IQCM: variants seen among roughly 807,000 people sequenced by gnomAD.
The protein encoded by IQCM is IQ domain-containing protein M.
Under a neutral mutation model 57.6 loss-of-function variants are expected in IQCM, and 45 were observed. That is an observed-to-expected ratio of 0.78 (90% confidence interval 0.62 to 1.00). IQCM has a LOEUF of 1.00. Among genes scored for constraint, IQCM ranks in the 50% least tolerant of loss-of-function variants. The pLI is 0.00. For synonymous variants in IQCM, 148 were observed against 158.9 expected (o/e 0.93, Z 0.51); for missense variants, 468 against 511.6 (o/e 0.91, Z 0.82).
chr4:149,625,976 A>C (rs1345496137), intron 7 of IQCM, among the ~76,000 whole-genome samples: 1 of 152,070 alleles, frequency 6.6e-6, no homozygotes, highest in Non-Finnish European at 1.5e-5. Context: ...TTTTCATACT[A>C]TGTTCTGTTT....
At chr4:149,518,512 T>G (rs1490190234) in intron 12 of IQCM, among the ~76,000 whole-genome samples, 3 of 152,210 alleles carry the variant, frequency 2.0e-5, no homozygotes, top group Non-Finnish European at 4.4e-5. Flanking sequence ...ACATCCTTTT[T>G]TTTCCAAATA....
intron 9 of IQCM, among the ~76,000 whole-genome samples, chr4:149,568,118 T>G (rs532739651): frequency 3.3e-5 from 5 of 152,248 alleles, no homozygotes; most frequent in Admixed American, 2.0e-4. Context: ...GACCCAGAGA[T>G]TCTCCATCCT....
intron 12 of IQCM, among the ~76,000 whole-genome samples, chr4:149,500,087 T>A (rs996956911): frequency 6.6e-6 from 1 of 152,216 alleles, no homozygotes; most frequent in African/African-American, 2.4e-5. Context: ...TAAATAAGCT[T>A]CTAATTTGTC....
In IQCM at chr4:149,433,505, C is replaced by T; in HGVS notation, c.1281G>A (p.Met427Ile). The T allele has an allele frequency of 8.3e-7, 1 of 1,203,842 alleles. No homozygotes were observed. Among genetic ancestry groups the T allele is most frequent in the Non-Finnish European group, 1.0e-6 (1 of 962,610 alleles). 74.6% of individuals were successfully genotyped at this position (1,203,842 alleles called of 1,614,324 possible). The change falls in exon 13 of 14, where the codon ATG (methionine) becomes ATA (isoleucine). Residue 427 changes from methionine to isoleucine, a missense_variant. Met to Ile is a conservative substitution (Grantham distance 10, BLOSUM62 1). Coordinates refer to ENST00000636793, the MANE Select transcript of IQCM (RefSeq NM_001363507.2). The part of the protein sequence containing the change: ...ELIKKSKAIE[M>I]LFTLYPPEGA... ...CTTCAGGAGGATAGAGTGTAAATAA[C>T]ATTTCAATTGCTTTGGACTTTTTGA... is the stretch of plus-strand genomic sequence containing the variant.
At chr4:149,736,096 C>T (rs781422637) in intron 3 of IQCM, among the ~76,000 whole-genome samples, 1 of 151,222 alleles carries the variant, frequency 6.6e-6, no homozygotes, top group Non-Finnish European at 1.5e-5. Flanking sequence ...TACAGGCGTG[C>T]ACCACCACAT....
intron 6 of IQCM, among the ~76,000 whole-genome samples, chr4:149,682,904 G>A (rs889165093): frequency 2.0e-5 from 3 of 151,110 alleles, no homozygotes; most frequent in Non-Finnish European, 4.5e-5. Context: ...AATTCAGTCA[G>A]TGGGACTTCA....
At chr4:149,750,223 C>T (rs143253451) in intron 2 of IQCM, among the ~76,000 whole-genome samples, 344 of 152,082 alleles carry the variant, frequency 2.3e-3, no homozygotes, top group African/African-American at 7.1e-3. Context: ...ACAAAGTGAA[C>T]GGTAATGAAA....
intron 5 of IQCM, among the ~76,000 whole-genome samples, chr4:149,721,239 G>T (rs1765424294): frequency 6.6e-6 from 1 of 152,094 alleles, no homozygotes; most frequent in South Asian, 2.1e-4. Flanking sequence ...GAATACAAGA[G>T]TATGTGCTTA....
At chr4:149,707,600 C>T (rs935111209) in intron 5 of IQCM, among the ~76,000 whole-genome samples, 2 of 151,988 alleles carry the variant, frequency 1.3e-5, no homozygotes, top group African/African-American at 4.8e-5. Context: ...GCTCACATCT[C>T]TCAACTCTAA....
intron 13 of IQCM, among the ~76,000 whole-genome samples, chr4:149,417,813 C>G (rs1352555462): frequency 6.8e-6 from 1 of 147,728 alleles, no homozygotes; most frequent in Non-Finnish European, 1.5e-5. Flanking sequence ...CTCTATTTCC[C>G]TTTTTCCTTT....
intron 7 of IQCM, among the ~76,000 whole-genome samples, chr4:149,665,133 G>C (rs755549197): frequency 2.1e-4 from 32 of 152,124 alleles, no homozygotes; most frequent in Non-Finnish European, 4.4e-4. Context: ...CTGGCCCCTG[G>C]GGTAGGACAC....
At chr4:149,522,138 G>A (rs941185639) in intron 12 of IQCM, among the ~76,000 whole-genome samples, 5 of 152,176 alleles carry the variant, frequency 3.3e-5, no homozygotes, top group African/African-American at 4.8e-5. Context: ...AGCCTCTGCT[G>A]TTAAGACTAC....
intron 2 of IQCM, among the ~76,000 whole-genome samples, chr4:149,769,283 T>G (rs889919832): frequency 6.6e-6 from 1 of 152,110 alleles, no homozygotes; most frequent in Admixed American, 6.6e-5. Flanking sequence ...AACCATATAT[T>G]CAACTGCCTG....
At chr4:149,530,451 A>G (rs1377044049) in intron 12 of IQCM, among the ~76,000 whole-genome samples, 1 of 152,170 alleles carries the variant, frequency 6.6e-6, no homozygotes, top group Non-Finnish European at 1.5e-5. Flanking sequence ...GGGAACAACC[A>G]GGAAAGCAAT....
chr4:149,387,609 T>C (rs1272472596), intron 13 of IQCM, among the ~76,000 whole-genome samples: 1 of 152,040 alleles, frequency 6.6e-6, no homozygotes, highest in Non-Finnish European at 1.5e-5. Flanking sequence ...ATAGTTCATA[T>C]AGAAAGCTGC....
chr4:149,674,396 A>C lies in IQCM; in HGVS notation c.565+7722T>G, dbSNP rs1297338635. Among the ~76,000 whole-genome samples, 4 of 152,286 alleles carry C rather than the reference A, an allele frequency of 2.6e-5. No homozygotes were observed. In the East Asian group the frequency reaches 7.7e-4, roughly 29 times the overall value. On this transcript the variant is annotated intron_variant, in intron 7 of 13. Coordinates refer to ENST00000636793, the MANE Select transcript of IQCM (RefSeq NM_001363507.2). ...TAGTATGAACAAATCAGTCAATGCT[A>C]ACTGCCTTTATGGAGATTATATTCT... is the stretch of plus-strand genomic sequence containing the variant.
intron 13 of IQCM, among the ~76,000 whole-genome samples, chr4:149,368,853 C>T (rs28701743): frequency 8.7e-5 from 5 of 57,800 alleles, no homozygotes; most frequent in Non-Finnish European, 1.4e-4. Flanking sequence ...CATATATATA[C>T]ATGTATATAT....
At chr4:149,427,745 C>A (rs551966846) in intron 13 of IQCM, among the ~76,000 whole-genome samples, 1 of 152,014 alleles carries the variant, frequency 6.6e-6, no homozygotes, top group Non-Finnish European at 1.5e-5. Flanking sequence ...TTTCTCCCAT[C>A]AACAATTACA....
chr4:149,760,857 T>C (rs957268521), intron 2 of IQCM, among the ~76,000 whole-genome samples: 1 of 151,470 alleles, frequency 6.6e-6, no homozygotes, highest in African/African-American at 2.4e-5. Context: ...ATAAATACTC[T>C]TAGTACCTAC....
Sources: gnomAD v4.1 joint callset for allele counts (sites outside exome capture counted in the v4.1 genomes callset) on GRCh38, gnomAD v4.1.1 for gene constraint, MANE v1.5 for transcripts, NCBI Gene and HGNC (gene_info 2026-07-23, HGNC 2026-07-21) for gene names.